Variants in DNA2 observed in about 807,000 individuals in gnomAD.
DNA2 encodes DNA replication helicase/nuclease 2, also known as DNA replication ATP-dependent helicase/nuclease DNA2.
Under a neutral mutation model 119.1 loss-of-function variants are expected in DNA2, and 101 were observed. The ratio of observed to expected loss-of-function variants is 0.85; its 90% CI spans 0.72 to 1.00. The LOEUF is 1.00. DNA2 is among the 50% of genes least tolerant of loss of function. The probability of loss-of-function intolerance (pLI) is 0.00; values close to 1 mark genes in which losing one functional copy is unlikely to be tolerated. For synonymous variants in DNA2, 366 were observed against 424.4 expected (o/e 0.86, Z 1.69); for missense variants, 1,121 against 1,255.5 (o/e 0.89, Z 1.62).
At chr10:68,424,737 G>C (rs959277219) in intron 14 of DNA2, 1 of 1,561,800 alleles carries the variant, frequency 6.4e-7, no homozygotes, top group South Asian at 1.1e-5. Context: ...GGTAGTTCAA[G>C]GACACTACAA....
chr10:68,435,004 G>A (rs931192490), intron 10 of DNA2, among the ~76,000 whole-genome samples: 2 of 152,198 alleles, frequency 1.3e-5, no homozygotes, highest in African/African-American at 4.8e-5. Context: ...TGTGAAAGAG[G>A]AGGGAATATG....
At position 68,450,252 on chromosome 10, in the gene DNA2, A is replaced by G; in HGVS notation, c.720-5T>C. 1 of 1,388,370 alleles carries G rather than the reference A, an allele frequency of 7.2e-7. No homozygotes were observed. The highest frequency in any genetic ancestry group is 2.4e-5 in the Admixed American group (1 of 42,512). The allele number at this position is 1,388,370 out of a possible 1,614,324, so 86.0% of individuals were successfully genotyped here. A position where few individuals can be genotyped will look rare whatever the true frequency, so the allele number is the denominator to read the frequency against. On this transcript the variant is annotated splice_region_variant and splice_polypyrimidine_tract_variant and intron_variant, in intron 5 of 20. Coordinates refer to ENST00000358410, the MANE Select transcript of DNA2 (RefSeq NM_001080449.3). ...TCCTTACTATTATCACTTGGCCTGAAAAAAAAAAAAGCACAAAAACACTTA... is the reference window on the plus strand; with the variant it reads ...TCCTTACTATTATCACTTGGCCTGAGAAAAAAAAAAGCACAAAAACACTTA...
rs779899034 is a variant in DNA2 at position 68,432,167 on chromosome 10, G to T, written c.1873+39C>A. The T allele has an allele frequency of 1.6e-5, 22 of 1,405,454 alleles. No individual in the cohort carries two copies. In the Admixed American group the frequency reaches 3.7e-4, roughly 23 times the overall value. 87.1% of individuals were successfully genotyped at this position (1,405,454 alleles called of 1,614,324 possible). A position where few individuals can be genotyped will look rare whatever the true frequency, so the allele number is the denominator to read the frequency against. On this transcript the variant is annotated intron_variant, in intron 12 of 20. Coordinates refer to ENST00000358410, the MANE Select transcript of DNA2 (RefSeq NM_001080449.3). The stretch of plus-strand genomic sequence containing the variant: ...TACAGTATAAATCAAATAGAAACAA[G>T]AAAAATTAATCAAAGCAGACATGGT...
chr10:68,421,495 T>G (rs1179710204), intron 17 of DNA2, among the ~76,000 whole-genome samples: 1 of 152,016 alleles, frequency 6.6e-6, no homozygotes, highest in African/African-American at 2.4e-5. Context: ...TGGCTCACAC[T>G]ATAATCCCAG....
chr10:68,472,025 G>A (rs369772099), upstream of DNA2: 3 of 1,607,526 alleles, frequency 1.9e-6, no homozygotes, highest in Non-Finnish European at 2.5e-6. Flanking sequence ...CCCCTCCCGC[G>A]CCGGCGCGTT....
chr10:68,455,230 G>A (rs1295304653), intron 5 of DNA2, among the ~76,000 whole-genome samples: 1 of 151,900 alleles, frequency 6.6e-6, no homozygotes, highest in Non-Finnish European at 1.5e-5. Context: ...TAGCCATCAC[G>A]CCAGGCCGAT....
chr10:68,444,797 A>G (rs1181398265), intron 8 of DNA2, 124 bp downstream of exon 8: 6 of 627,928 alleles, frequency 9.6e-6, no homozygotes, highest in Non-Finnish European at 1.6e-5. Context: ...AATAATACGA[A>G]GGAAAATATA....
intron 13 of DNA2, 60 bp downstream of exon 13, chr10:68,431,802 T>C: frequency 8.7e-7 from 1 of 1,146,646 alleles, no homozygotes; most frequent in Non-Finnish European, 1.3e-6. Context: ...TTACATCCTC[T>C]GAACTGAGGA....
Position 68,444,926 on chromosome 10 carries a change from A to C in DNA2, c.1215T>G (p.Tyr405Ter), listed in dbSNP as rs1179849806. ...CTTTGGTAGACAATATTTACCTGCT[A>C]TAAAGAGCACAATTGCCAATTTGTG... ...YCSQIGNCAL[Y>*]SRAVEQQMDC... The change falls in exon 8 of 21, where the codon TAT becomes TAG. Residue 405 changes from tyrosine (Y) to a stop codon, truncating the protein, a stop_gained. Transcript: ENST00000358410. LOFTEE classifies it high-confidence loss of function. 1.2e-6 allele frequency: 2 copies of C among 1,612,664 alleles called. No individual in the cohort carries two copies. The highest frequency in any genetic ancestry group is 1.1e-5 in the South Asian group (1 of 90,962).
At chr10:68,436,925 G>T (rs760390349) in intron 10 of DNA2, 86 bp downstream of exon 10, 24 of 1,090,260 alleles carry the variant, frequency 2.2e-5, no homozygotes, top group Admixed American at 8.9e-5. Flanking sequence ...AAAAACCAGC[G>T]AATTGTACAT....
intron 17 of DNA2, among the ~76,000 whole-genome samples, chr10:68,420,384 A>G (rs927297914): frequency 1.3e-5 from 2 of 152,148 alleles, no homozygotes; most frequent in African/African-American, 4.8e-5. Context: ...TAAAAATACA[A>G]AAATTAGCTG....
chr10:68,435,402 G>A (rs1458631414), intron 10 of DNA2, among the ~76,000 whole-genome samples: 1 of 151,656 alleles, frequency 6.6e-6, no homozygotes, highest in Non-Finnish European at 1.5e-5. Context: ...GCCAGGCGTG[G>A]TGGCTCACAA....
intron 20 of DNA2, among the ~76,000 whole-genome samples, chr10:68,415,589 T>A (rs1199591218): frequency 6.6e-6 from 1 of 151,242 alleles, no homozygotes; most frequent in African/African-American, 2.4e-5. Context: ...GAGTTATTTA[T>A]CTTAGCCTAC....
chr10:68,437,526 C>T (rs528779525), intron 9 of DNA2, among the ~76,000 whole-genome samples: 37 of 151,692 alleles, frequency 2.4e-4, no homozygotes, highest in African/African-American at 3.1e-4. Flanking sequence ...GGTGCTCGCC[C>T]GTAATCCCAG....
Position 68,456,939 on chromosome 10 carries a change from C to T in DNA2, c.719+2165G>A, listed in dbSNP as rs188026010. Among the ~76,000 whole-genome samples the T allele has an allele frequency of 1.9e-3, 295 of 151,714 alleles. 5 individuals carry two copies. The East Asian group carries it at 0.047, about 24-fold the overall frequency. On this transcript the variant is annotated intron_variant, in intron 5 of 20. Transcript: ENST00000358410. ...TACAAGGTCAGGAGATCGAGACCATCCTGGCTAACACGGTGAAACCCCGGC... is the reference window on the plus strand; with the variant it reads ...TACAAGGTCAGGAGATCGAGACCATTCTGGCTAACACGGTGAAACCCCGGC...
rs547606947 is a variant in DNA2, at chr10:68,471,691, C to A, written c.74+100G>T. ...AGGGAGCTGCACCGGGTCCCTGGGCCCCGGGCCCGGTCAGTCTGAGGCGGT... is the reference window on the plus strand; with the variant it reads ...AGGGAGCTGCACCGGGTCCCTGGGCACCGGGCCCGGTCAGTCTGAGGCGGT... On this transcript the variant is annotated intron_variant, in intron 1 of 20. Transcript: ENST00000358410. 1.2e-5 allele frequency: 17 copies of A among 1,405,892 alleles called. No individual in the cohort carries two copies. The South Asian group carries it at 2.3e-4, about 19-fold the overall frequency. 87.1% of individuals were successfully genotyped at this position (1,405,892 alleles called of 1,614,324 possible).
chr10:68,444,118 G>C (rs573185299), intron 8 of DNA2, among the ~76,000 whole-genome samples: 1 of 152,062 alleles, frequency 6.6e-6, no homozygotes, highest in African/African-American at 2.4e-5. Context: ...ATTGCTGGGC[G>C]CAGTGGTTCA....
chr10:68,457,724 A>G (rs2052202984), intron 5 of DNA2, among the ~76,000 whole-genome samples: 2 of 151,494 alleles, frequency 1.3e-5, no homozygotes, highest in Admixed American at 6.6e-5. Flanking sequence ...AAATTATAAC[A>G]ATGCCACTTT....
chr10:68,424,931 G>T, intron 14 of DNA2: 1 of 682,468 alleles, frequency 1.5e-6, no homozygotes, highest in Non-Finnish European at 2.7e-6. Context: ...ACAAAGCCAA[G>T]TCTCGACAAG....
Sources: allele counts gnomAD v4.1 joint callset (sites outside exome capture counted in the v4.1 genomes callset), GRCh38; gene constraint gnomAD v4.1.1; transcripts MANE v1.5; gene names NCBI Gene and HGNC (gene_info 2026-07-23, HGNC 2026-07-21).